The following ANXA8 variants were observed in gnomAD, a reference collection of about 807,000 sequenced individuals.
The protein encoded by ANXA8 is VAC-beta.
ANXA8 carries 9 observed loss-of-function variants against 26.8 expected under a neutral mutation model. That is an observed-to-expected ratio of 0.34 (90% CI 0.20 to 0.59). The LOEUF (loss-of-function observed/expected upper bound fraction) is 0.59, where lower values mean the gene tolerates loss of function less well. ANXA8 is among the 20% of genes least tolerant of loss of function. ANXA8 has a pLI of 0.84. For missense variants in ANXA8, 83 were observed against 238.5 expected (o/e 0.35, Z 4.29); for synonymous variants, 39 against 94.8 (o/e 0.41, Z 3.42).
chr10:47,534,986 T>G, the ANXA8 span, among the ~76,000 whole-genome samples: 1 of 84,006 alleles, frequency 1.2e-5, no homozygotes, highest in Non-Finnish European at 2.1e-5. Flanking sequence ...TTTGGGGGGT[T>G]GGGGGAAGAA....
At chr10:47,627,623 G>A in the ANXA8 span, among the ~76,000 whole-genome samples, 2 of 149,980 alleles carry the variant, frequency 1.3e-5, 1 homozygote, top group African/African-American at 5.1e-5. Context: ...GAAACCCACT[G>A]GATTCAAAAT....
At chr10:47,654,166 G>A in the ANXA8 span, among the ~76,000 whole-genome samples, 2 of 151,134 alleles carry the variant, frequency 1.3e-5, no homozygotes, top group African/African-American at 2.5e-5. Flanking sequence ...GAGTTTCAGT[G>A]TAGTGGGTTG....
At chr10:47,520,903 CTT>C in the ANXA8 span, among the ~76,000 whole-genome samples, 1 of 118,038 alleles carries the variant, frequency 8.5e-6, no homozygotes, top group Non-Finnish European at 1.7e-5. Context: ...GTAAAATCAA[CTT>C]TGCATAAAAT....
At chr10:47,648,076 A>T in the ANXA8 span, among the ~76,000 whole-genome samples, 1 of 151,880 alleles carries the variant, frequency 6.6e-6, no homozygotes, top group Non-Finnish European at 1.5e-5. Context: ...ACCTCTGAAG[A>T]GGCACTTTCT....
the ANXA8 span, among the ~76,000 whole-genome samples, chr10:47,755,555 C>CTTTTTT: frequency 1.9e-4 from 16 of 82,984 alleles, no homozygotes; most frequent in East Asian, 1.2e-3. Flanking sequence ...GTGCCCGGCC[C>CTTTTTT]TTTTTTTTTT....
the ANXA8 span, among the ~76,000 whole-genome samples, chr10:47,668,991 G>A: frequency 6.6e-6 from 1 of 151,880 alleles, no homozygotes; most frequent in Non-Finnish European, 1.5e-5. Flanking sequence ...ACTTCTGTGA[G>A]AGAGTGAGGG....
the ANXA8 span, among the ~76,000 whole-genome samples, chr10:47,693,067 G>A: frequency 3.3e-5 from 5 of 151,702 alleles, no homozygotes; most frequent in African/African-American, 1.2e-4. Flanking sequence ...ATCTAACATT[G>A]TGTTACGTGT....
the ANXA8 span, among the ~76,000 whole-genome samples, chr10:47,619,226 T>A: frequency 8.8e-6 from 1 of 113,360 alleles, no homozygotes; most frequent in Non-Finnish European, 1.9e-5. Flanking sequence ...AAGGCATTTT[T>A]ATTAATATAC....
the ANXA8 span, among the ~76,000 whole-genome samples, chr10:47,559,853 C>T: frequency 6.6e-6 from 1 of 151,878 alleles, no homozygotes; most frequent in African/African-American, 2.4e-5. Flanking sequence ...TTCTTTATAG[C>T]TCCTCCTGTA....
chr10:47,944,902 A>C, the ANXA8 span, among the ~76,000 whole-genome samples: 2 of 141,290 alleles, frequency 1.4e-5, 1 homozygote, highest in African/African-American at 5.4e-5. Context: ...GTCCTTGTAC[A>C]GGTTCCTTCT....
chr10:47,650,603 G>A, the ANXA8 span, among the ~76,000 whole-genome samples: 1 of 145,724 alleles, frequency 6.9e-6, no homozygotes, highest in Non-Finnish European at 1.5e-5. Context: ...TCAGGAGATC[G>A]AGACCATCCT....
the ANXA8 span, among the ~76,000 whole-genome samples, chr10:47,701,045 G>C: frequency 6.6e-6 from 1 of 150,474 alleles, no homozygotes; most frequent in Non-Finnish European, 1.5e-5. Flanking sequence ...TCATGCCACT[G>C]CACTCTAGCC....
chr10:47,533,185 T>TCA, the ANXA8 span, among the ~76,000 whole-genome samples: 11,032 of 101,394 alleles, frequency 0.11, 296 homozygotes, highest in Middle Eastern at 0.13. Flanking sequence ...TAAACACACA[T>TCA]CACACACACA....
the ANXA8 span, among the ~76,000 whole-genome samples, chr10:47,668,045 G>A: frequency 6.6e-6 from 1 of 151,696 alleles, no homozygotes; most frequent in African/African-American, 2.4e-5. Flanking sequence ...GCTTCACTCA[G>A]TGTTTTCAGT....
the ANXA8 span, among the ~76,000 whole-genome samples, chr10:47,706,026 G>C: frequency 6.6e-6 from 1 of 151,908 alleles, no homozygotes; most frequent in Non-Finnish European, 1.5e-5. Flanking sequence ...GCGCCGCCGC[G>C]CGGTCGGTTC....
chr10:47,727,559 A>G, the ANXA8 span, among the ~76,000 whole-genome samples: 15 of 142,434 alleles, frequency 1.1e-4, no homozygotes, highest in African/African-American at 3.5e-4. Flanking sequence ...AAACTGAGGT[A>G]AATAGTAGTT....
At chr10:47,686,112 A>G in the ANXA8 span, among the ~76,000 whole-genome samples, 10 of 151,682 alleles carry the variant, frequency 6.6e-5, 1 homozygote. Flanking sequence ...TGTAGTCCTA[A>G]GAGCCTACGA....
chr10:47,490,565 T>C, the ANXA8 span, among the ~76,000 whole-genome samples: 1 of 151,836 alleles, frequency 6.6e-6, no homozygotes, highest in East Asian at 1.9e-4. Context: ...GAGAAACATA[T>C]GGCTACTTGA....
the ANXA8 span, among the ~76,000 whole-genome samples, chr10:47,495,907 G>A: frequency 6.6e-6 from 1 of 151,586 alleles, no homozygotes; most frequent in Non-Finnish European, 1.5e-5. Flanking sequence ...GAGTGAGAAC[G>A]CAGAGCTGGA....
Sources: gnomAD v4.1 joint callset for allele counts (sites outside exome capture counted in the v4.1 genomes callset) on GRCh38, gnomAD v4.1.1 for gene constraint, MANE v1.5 for transcripts, NCBI Gene and HGNC (gene_info 2026-07-23, HGNC 2026-07-21) for gene names.